Variants in MDGA2 observed in about 807,000 individuals in gnomAD.
MDGA2 encodes MAM domain containing glycosylphosphatidylinositol anchor 2.
MDGA2 carries 40 observed loss-of-function variants against 117.8 expected under a neutral mutation model. That is an observed-to-expected ratio of 0.34 (90% CI 0.26 to 0.44). The LOEUF (loss-of-function observed/expected upper bound fraction) is 0.44, where lower values mean the gene tolerates loss of function less well. Among genes scored for constraint, MDGA2 ranks in the 20% least tolerant of loss-of-function variants. The pLI is 1.00. For missense variants in MDGA2, 1,123 were observed against 1,250.6 expected, an observed-to-expected ratio of 0.90 and a Z score of 1.54; for synonymous variants, 452 against 439.0, an observed-to-expected ratio of 1.03 and a Z score of -0.37.
chr14:47,181,258 G>C lies in MDGA2; in HGVS notation c.595+36763C>G, dbSNP rs911883128. 5.3e-5 allele frequency among the ~76,000 whole-genome samples: 8 copies of C among 152,036 alleles called. No individual in the cohort carries two copies. The South Asian group carries it at 1.5e-3, about 28-fold the overall frequency. On this transcript the variant is annotated intron_variant, in intron 3 of 16. Transcript: ENST00000399232. The stretch of plus-strand genomic sequence containing the variant: ...TGTCCCCCACCTCCCAATAGACCCT[G>C]GTGTGTGATGTTCCCCTCCCTGTGT...
intron 3 of MDGA2, among the ~76,000 whole-genome samples, chr14:47,169,944 T>C (rs1022502231): frequency 6.6e-6 from 1 of 152,100 alleles, no homozygotes; most frequent in African/African-American, 2.4e-5. Context: ...CACACTCTAC[T>C]CTCCTTCCAC....
intron 1 of MDGA2, among the ~76,000 whole-genome samples, chr14:47,388,880 T>A (rs1891822586): frequency 6.6e-6 from 1 of 152,168 alleles, no homozygotes; most frequent in African/African-American, 2.4e-5. Flanking sequence ...CCTTGCAGTA[T>A]AAAGTGCTTT....
In MDGA2 at chr14:46,855,918, A is replaced by C. The variant is rs1881251595; in HGVS notation, c.2753-764T>G. Among the ~76,000 whole-genome samples, 1 of 152,146 alleles carries C rather than the reference A, an allele frequency of 6.6e-6. No individual in the cohort carries two copies. The highest frequency in any genetic ancestry group is 1.5e-5 in the Non-Finnish European group (1 of 68,016). On this transcript the variant is annotated intron_variant, in intron 14 of 16. Transcript: ENST00000399232. This position sits in a 1 kb window ranked among gnomAD's most constrained non-coding sequence, Gnocchi z 4.1. Reference sequence around the variant, plus strand: ...TTTCTTCTAAAAGAGTTATTGGAAAATAAAATGAAGATAGCTTTTATCTCA... The same window carrying C: ...TTTCTTCTAAAAGAGTTATTGGAAACTAAAATGAAGATAGCTTTTATCTCA...
intron 1 of MDGA2, among the ~76,000 whole-genome samples, chr14:47,650,492 C>T (rs1271385468): frequency 6.6e-6 from 1 of 152,142 alleles, no homozygotes; most frequent in Non-Finnish European, 1.5e-5. Context: ...GGGTACTCAG[C>T]TTTCCTCCCA....
chr14:47,099,980 A>T (rs1880210613), intron 5 of MDGA2, among the ~76,000 whole-genome samples: 1 of 152,018 alleles, frequency 6.6e-6, no homozygotes, highest in African/African-American at 2.4e-5. Context: ...TAAATGGGAA[A>T]ATGAATAAGT....
intron 3 of MDGA2, among the ~76,000 whole-genome samples, chr14:47,195,445 T>A (rs1050805439): frequency 3.3e-5 from 5 of 151,840 alleles, no homozygotes; most frequent in Admixed American, 6.6e-5. Flanking sequence ...CAATGCAGGG[T>A]GTATTGGATG....
At chr14:47,397,195 C>A (rs1350213771) in intron 1 of MDGA2, among the ~76,000 whole-genome samples, 1 of 152,096 alleles carries the variant, frequency 6.6e-6, no homozygotes, top group African/African-American at 2.4e-5. Context: ...ATGGATGAAG[C>A]TGGAAACCAT....
rs533428951 is a variant in MDGA2, at chr14:47,266,610, A to G, written c.420+34801T>C. Among the ~76,000 whole-genome samples the G allele has an allele frequency of 3.9e-5, 6 of 152,246 alleles. No homozygotes were observed. In the East Asian group the frequency reaches 9.7e-4, roughly 25 times the overall value. Reference sequence around the variant, plus strand: ...ACTCAACTCCAAAGTCCTTATGTAGATTTTCCTCAGCTCTTCAGGATCTGT... The same window carrying G: ...ACTCAACTCCAAAGTCCTTATGTAGGTTTTCCTCAGCTCTTCAGGATCTGT... On this transcript the variant is annotated intron_variant, in intron 2 of 16. Coordinates refer to ENST00000399232, the MANE Select transcript of MDGA2 (RefSeq NM_001113498.3).
intron 10 of MDGA2, among the ~76,000 whole-genome samples, chr14:46,894,113 T>C (rs1419701636): frequency 1.3e-5 from 2 of 152,064 alleles, no homozygotes; most frequent in African/African-American, 2.4e-5. Context: ...TATTGCCAGA[T>C]ATTTTGCTAA....
At chr14:47,457,808 TTC>T (rs1893388712) in intron 1 of MDGA2, among the ~76,000 whole-genome samples, 1 of 56,874 alleles carries the variant, frequency 1.8e-5, no homozygotes, top group Non-Finnish European at 3.0e-5. Context: ...AGTCATTTTT[TTC>T]TGTTTTTTTT....
intron 3 of MDGA2, among the ~76,000 whole-genome samples, chr14:47,159,964 A>G (rs1478325943): frequency 1.3e-5 from 2 of 152,178 alleles, no homozygotes; most frequent in Non-Finnish European, 2.9e-5. Flanking sequence ...TTTGGTTGGC[A>G]AAATATAATA....
intron 1 of MDGA2, among the ~76,000 whole-genome samples, chr14:47,359,486 C>A (rs184203110): frequency 6.6e-6 from 1 of 152,124 alleles, no homozygotes; most frequent in Non-Finnish European, 1.5e-5. Context: ...CAGAAACAAA[C>A]TCAAGCATAT....
At chr14:47,035,327 T>A in intron 7 of MDGA2, 23 bp from the exon 8 acceptor site, 1 of 1,588,630 alleles carries the variant, frequency 6.3e-7, no homozygotes, top group Non-Finnish European at 8.6e-7. Context: ...AAAAGAAAAT[T>A]TTTCAAGGTT....
chr14:47,224,583 T>G (rs1886416282), intron 2 of MDGA2, among the ~76,000 whole-genome samples: 1 of 152,184 alleles, frequency 6.6e-6, no homozygotes, highest in South Asian at 2.1e-4. Flanking sequence ...TTCAGCCAGA[T>G]GTACTCATGT....
Position 47,365,981 on chromosome 14 carries a change from C to A in MDGA2, c.281-64431G>T, listed in dbSNP as rs138904062. Among the ~76,000 whole-genome samples, 3 of 152,208 alleles carry A rather than the reference C, an allele frequency of 2.0e-5. No homozygotes were observed. In the East Asian group the frequency reaches 5.8e-4, roughly 29 times the overall value. ...TAATTTATCTAAATCTTTTTTAGAGCTAAGGTGCCAAGAACTCAATCACAA... is the reference window on the plus strand; with the variant it reads ...TAATTTATCTAAATCTTTTTTAGAGATAAGGTGCCAAGAACTCAATCACAA... On this transcript the variant is annotated intron_variant, in intron 1 of 16. Coordinates refer to ENST00000399232, the MANE Select transcript of MDGA2 (RefSeq NM_001113498.3).
At chr14:47,131,363 C>T (rs1229084693) in intron 5 of MDGA2, among the ~76,000 whole-genome samples, 1 of 151,782 alleles carries the variant, frequency 6.6e-6, no homozygotes, top group Non-Finnish European at 1.5e-5. Flanking sequence ...TTTGAAAGCA[C>T]AAAACTCATT....
At chr14:47,102,136 A>C (rs1880358808) in intron 5 of MDGA2, among the ~76,000 whole-genome samples, 1 of 152,158 alleles carries the variant, frequency 6.6e-6, no homozygotes, top group South Asian at 2.1e-4. Flanking sequence ...ACATCCTTAC[A>C]GACTTTGGCT....
At chr14:47,376,520 T>C in intron 1 of MDGA2, among the ~76,000 whole-genome samples, 1 of 152,150 alleles carries the variant, frequency 6.6e-6, no homozygotes, top group Middle Eastern at 3.2e-3. Context: ...TTTAGAACAA[T>C]TTTCATTTAA....
intron 6 of MDGA2, among the ~76,000 whole-genome samples, chr14:47,069,294 C>T (rs966795601): frequency 3.9e-5 from 6 of 152,212 alleles, no homozygotes; most frequent in African/African-American, 7.2e-5. Flanking sequence ...CTTTCCACTT[C>T]GTGTCACTTT....
Sources: gnomAD v4.1 joint callset for allele counts (sites outside exome capture counted in the v4.1 genomes callset) on GRCh38, gnomAD v4.1.1 for gene constraint, Gnocchi (gnomAD v3.1) non-coding constraint, MANE v1.5 for transcripts, NCBI Gene and HGNC (gene_info 2026-07-23, HGNC 2026-07-21) for gene names.